The following CRPPA variants were observed in gnomAD, a reference collection of about 807,000 sequenced individuals.
CRPPA encodes D-ribitol-5-phosphate cytidylyltransferase.
Under a neutral mutation model 52.0 loss-of-function variants are expected in CRPPA, and 43 were observed. That is an observed-to-expected ratio of 0.83 (90% CI 0.65 to 1.07). The LOEUF is 1.07. CRPPA is among the 50% of genes least tolerant of loss of function. The pLI, the probability that CRPPA is intolerant of heterozygous loss-of-function variation, is 0.00. For missense variants in CRPPA, 629 were observed against 551.7 expected, an observed-to-expected ratio of 1.14 and a Z score of -1.40; for synonymous variants, 250 against 203.5, an observed-to-expected ratio of 1.23 and a Z score of -1.94.
chr7:16,386,054 C>G (rs1257062673), intron 2 of CRPPA, among the ~76,000 whole-genome samples: 1 of 152,158 alleles, frequency 6.6e-6, no homozygotes, highest in Admixed American at 6.5e-5. Flanking sequence ...AGGTCCCTGT[C>G]CAGTGTCCAG....
At chr7:16,174,907 G>A (rs1781263732) in intron 9 of CRPPA, among the ~76,000 whole-genome samples, 1 of 152,074 alleles carries the variant, frequency 6.6e-6, no homozygotes, top group Non-Finnish European at 1.5e-5. Flanking sequence ...CAGAGAGAAG[G>A]GGTTAAACCA....
chr7:16,254,917 C>G (rs1783593053), intron 8 of CRPPA, among the ~76,000 whole-genome samples: 1 of 152,088 alleles, frequency 6.6e-6, no homozygotes. Context: ...TCCTATTCAA[C>G]ATAGTATTGG....
intron 9 of CRPPA, chr7:16,209,271 G>A: frequency 7.3e-6 from 1 of 137,674 alleles, no homozygotes; most frequent in Non-Finnish European, 1.6e-5. Flanking sequence ...GGTTCTAAGT[G>A]TCTTTTTTTT....
intron 3 of CRPPA, among the ~76,000 whole-genome samples, chr7:16,356,669 A>G (rs1786303852): frequency 1.3e-5 from 2 of 152,098 alleles, no homozygotes; most frequent in Non-Finnish European, 2.9e-5. Flanking sequence ...TGGGATTGCC[A>G]TTTTTTACCC....
intron 5 of CRPPA, among the ~76,000 whole-genome samples, chr7:16,297,304 G>A (rs1784694040): frequency 6.6e-6 from 1 of 152,156 alleles, no homozygotes; most frequent in Non-Finnish European, 1.5e-5. Context: ...TGTCCTCCAA[G>A]TCTTGGTTTT....
chr7:16,182,669 C>T (rs1240363161), intron 9 of CRPPA, among the ~76,000 whole-genome samples: 1 of 152,150 alleles, frequency 6.6e-6, no homozygotes, highest in Non-Finnish European at 1.5e-5. Flanking sequence ...TTGTTTTCTT[C>T]ATAACCAAGT....
chr7:16,387,728 G>T (rs1485737642), intron 2 of CRPPA, among the ~76,000 whole-genome samples: 1 of 152,158 alleles, frequency 6.6e-6, no homozygotes, highest in Non-Finnish European at 1.5e-5. Flanking sequence ...ACTTTCGATA[G>T]TGGCTAGAAC....
rs537192360 is a variant in CRPPA, at chr7:16,101,090, C to G, written c.1252-9291G>C. ...TGAGGATTTTTGCATCGATGTTCAT[C>G]AGGGATATTGGCCTGAGACACAACT... is the stretch of plus-strand genomic sequence containing the variant. On this transcript the variant is annotated intron_variant, in intron 9 of 9. Transcript: ENST00000407010. Among the ~76,000 whole-genome samples the G allele has an allele frequency of 9.9e-5, 15 of 152,250 alleles. No individual in the cohort carries two copies. The South Asian group carries it at 1.7e-3, about 17-fold the overall frequency.
At chr7:16,123,323 G>A (rs1161711018) in intron 9 of CRPPA, among the ~76,000 whole-genome samples, 1 of 151,926 alleles carries the variant, frequency 6.6e-6, no homozygotes, top group Non-Finnish European at 1.5e-5. Context: ...AAAACAGCAG[G>A]AAATCCATTT....
chr7:16,176,700 C>T (rs969490480), intron 9 of CRPPA, among the ~76,000 whole-genome samples: 6 of 152,184 alleles, frequency 3.9e-5, no homozygotes, highest in East Asian at 1.9e-4. Flanking sequence ...CCTCAGCCTC[C>T]GCAGTAGCTG....
intron 2 of CRPPA, among the ~76,000 whole-genome samples, chr7:16,400,570 C>G (rs1787787619): frequency 6.6e-6 from 1 of 152,220 alleles, no homozygotes; most frequent in Admixed American, 6.5e-5. Context: ...TTGACTGACA[C>G]ATTTGTGACA....
intron 3 of CRPPA, among the ~76,000 whole-genome samples, chr7:16,353,068 A>G (rs1786199198): frequency 6.6e-6 from 1 of 152,152 alleles, no homozygotes; most frequent in African/African-American, 2.4e-5. Context: ...GTAATCTTAA[A>G]CAGTTGGCCA....
chr7:16,353,792 G>A (rs1786221735), intron 3 of CRPPA, among the ~76,000 whole-genome samples: 1 of 151,926 alleles, frequency 6.6e-6, no homozygotes, highest in African/African-American at 2.4e-5. Context: ...ACAGGTTGCA[G>A]TGAGCTGAGA....
chr7:16,252,756 G>A (rs1445120908), intron 8 of CRPPA, among the ~76,000 whole-genome samples: 1 of 152,098 alleles, frequency 6.6e-6, no homozygotes, highest in Non-Finnish European at 1.5e-5. Flanking sequence ...TGGTTGGTAA[G>A]CTATTAATTA....
At chr7:16,114,833 T>C (rs1417324159) in intron 9 of CRPPA, among the ~76,000 whole-genome samples, 1 of 152,074 alleles carries the variant, frequency 6.6e-6, no homozygotes, top group Non-Finnish European at 1.5e-5. Flanking sequence ...GAGAGCAGCA[T>C]TGAATTAGGT....
At chr7:16,309,828 G>C (rs1024481952) in intron 3 of CRPPA, among the ~76,000 whole-genome samples, 1 of 152,096 alleles carries the variant, frequency 6.6e-6, no homozygotes, top group Admixed American at 6.6e-5. Flanking sequence ...AGTCACAAAA[G>C]GAGTTCATAA....
At chr7:16,094,209 C>A (rs750114188) in intron 9 of CRPPA, among the ~76,000 whole-genome samples, 3 of 152,112 alleles carry the variant, frequency 2.0e-5, no homozygotes, top group Non-Finnish European at 4.4e-5. Context: ...AATTGAAGGA[C>A]AAGAATCTAT....
intron 3 of CRPPA, among the ~76,000 whole-genome samples, chr7:16,347,520 G>C (rs2128307227): frequency 6.6e-6 from 1 of 152,176 alleles, no homozygotes; most frequent in South Asian, 2.1e-4. Context: ...TTATCGTTCA[G>C]AAAATATAGT....
intron 3 of CRPPA, among the ~76,000 whole-genome samples, chr7:16,356,688 T>C (rs1029089443): frequency 6.6e-6 from 1 of 152,208 alleles, no homozygotes; most frequent in African/African-American, 2.4e-5. Context: ...CCTTTCCACA[T>C]CTGTCTTAAA....
Sources: allele counts gnomAD v4.1 joint callset (sites outside exome capture counted in the v4.1 genomes callset), GRCh38; gene constraint gnomAD v4.1.1; transcripts MANE v1.5; gene names NCBI Gene and HGNC (gene_info 2026-07-23, HGNC 2026-07-21).